Variants in TENM3 observed in about 807,000 individuals in gnomAD.
TENM3 encodes teneurin transmembrane protein 3.
A neutral mutation model predicts 255.1 loss-of-function variants in TENM3; 63 were observed. The observed-to-expected ratio is 0.25, with a 90% confidence interval of 0.20 to 0.30. TENM3 has a LOEUF of 0.30. TENM3 is among the 10% of genes least tolerant of loss of function. The probability of loss-of-function intolerance (pLI) is 1.00; values close to 1 mark genes in which losing one functional copy is unlikely to be tolerated. For missense variants in TENM3, 2,929 were observed against 3,461.1 expected (o/e 0.85, Z 3.86); for synonymous variants, 1,306 against 1,322.3 (o/e 0.99, Z 0.27).
chr4:182,062,579 A>G, the TENM3 span, among the ~76,000 whole-genome samples: 2 of 152,202 alleles, frequency 1.3e-5, no homozygotes, highest in African/African-American at 2.4e-5. Flanking sequence ...ATGAAACAAA[A>G]CCTTTCCATG....
the TENM3 span, among the ~76,000 whole-genome samples, chr4:181,704,961 A>G: frequency 6.6e-6 from 1 of 151,686 alleles, no homozygotes; most frequent in Non-Finnish European, 1.5e-5. Flanking sequence ...CCCAGGAGGC[A>G]GAGGTTGCAG....
chr4:181,540,224 G>A, the TENM3 span, among the ~76,000 whole-genome samples: 2 of 152,080 alleles, frequency 1.3e-5, no homozygotes, highest in Admixed American at 6.6e-5. Flanking sequence ...TTGGAGCAAC[G>A]AATTAAAGTA....
intron 3 of TENM3, among the ~76,000 whole-genome samples, chr4:182,559,858 CAG>C (rs1170727732): frequency 6.6e-6 from 1 of 151,960 alleles, no homozygotes; most frequent in Non-Finnish European, 1.5e-5. Context: ...GATTGCATAA[CAG>C]AGTGACTGTA....
At chr4:182,616,657 G>A (rs796655364) in intron 4 of TENM3, among the ~76,000 whole-genome samples, 7 of 150,804 alleles carry the variant, frequency 4.6e-5, no homozygotes, top group East Asian at 1.9e-4. Context: ...GGCTTCTCCC[G>A]GAAGATTCCC....
chr4:182,799,448 C>A lies in TENM3; in HGVS notation c.7345-148C>A. 1 of 997,294 alleles carries A rather than the reference C, an allele frequency of 1.0e-6. No homozygotes were observed. The highest frequency in any genetic ancestry group is 1.8e-5 in the South Asian group (1 of 55,500). The allele number at this position is 997,294 out of a possible 1,614,324, so 61.8% of individuals were successfully genotyped here. A position where few individuals can be genotyped will look rare whatever the true frequency, so the allele number is the denominator to read the frequency against. ...GGGGGAGGGATCTCGAGTGCTCCCTCCACCCGGGCTGTCAGCCTTCTGGTC... is the reference window on the plus strand; with the variant it reads ...GGGGGAGGGATCTCGAGTGCTCCCTACACCCGGGCTGTCAGCCTTCTGGTC... On this transcript the variant is annotated intron_variant, in intron 27 of 27. Coordinates refer to ENST00000511685, the MANE Select transcript of TENM3 (RefSeq NM_001080477.4). The surrounding 1 kb of genome is among the most constrained non-coding windows in gnomAD (Gnocchi z 4.2).
chr4:182,236,679 TTGA>T (rs2150042600), intron 1 of TENM3, among the ~76,000 whole-genome samples: 1 of 152,338 alleles, frequency 6.6e-6, no homozygotes, highest in Non-Finnish European at 1.5e-5. Context: ...GAAACTTTTC[TTGA>T]TGAAGTAAAA....
chr4:181,717,102 A>C, the TENM3 span, among the ~76,000 whole-genome samples: 31 of 152,306 alleles, frequency 2.0e-4, no homozygotes, highest in South Asian at 6.0e-3. Context: ...ATTTGAATCT[A>C]GAAGTTGCCT....
At chr4:182,143,721 T>C (rs1209939908), upstream of TENM3, 1 of 153,938 alleles carries the variant, frequency 6.5e-6, no homozygotes, top group East Asian at 2.0e-4. The surrounding 1 kb of genome is among the most constrained non-coding windows in gnomAD (Gnocchi z 4.3). Context: ...TGTTGGTGCG[T>C]GTGAATTTCA....
At chr4:181,681,778 G>A in the TENM3 span, among the ~76,000 whole-genome samples, 16 of 152,078 alleles carry the variant, frequency 1.1e-4, no homozygotes, top group South Asian at 2.5e-3. Context: ...GATAAAACAA[G>A]ATAAAGTGGG....
chr4:182,253,500 CA>C (rs1266711602), intron 1 of TENM3, among the ~76,000 whole-genome samples: 1 of 152,068 alleles, frequency 6.6e-6, no homozygotes, highest in East Asian at 1.9e-4. Flanking sequence ...AAGATTTATA[CA>C]AAGAAATTTA....
the TENM3 span, among the ~76,000 whole-genome samples, chr4:181,818,189 G>A: frequency 1.3e-5 from 2 of 152,160 alleles, no homozygotes; most frequent in Non-Finnish European, 2.9e-5. Context: ...GCTGAGTATA[G>A]TCCCCAGTTA....
chr4:182,741,226 C>A (rs1761579611), intron 18 of TENM3, among the ~76,000 whole-genome samples: 1 of 152,116 alleles, frequency 6.6e-6, no homozygotes, highest in Non-Finnish European at 1.5e-5. Flanking sequence ...TGTGAGATAA[C>A]CTCAGCCACA....
At chr4:181,878,615 T>C in the TENM3 span, among the ~76,000 whole-genome samples, 2 of 152,184 alleles carry the variant, frequency 1.3e-5, no homozygotes, top group Non-Finnish European at 2.9e-5. Flanking sequence ...TTTTATAATA[T>C]GTTGTCTTCC....
chr4:181,980,295 T>G, the TENM3 span: 1 of 152,162 alleles, frequency 6.6e-6, no homozygotes, highest in African/African-American at 2.4e-5. Context: ...TGGTAACTCA[T>G]CTCTCCCACA....
At chr4:182,534,254 A>C (rs1223358304) in intron 3 of TENM3, among the ~76,000 whole-genome samples, 1 of 152,202 alleles carries the variant, frequency 6.6e-6, no homozygotes, top group Admixed American at 6.5e-5. Flanking sequence ...GGAAGGAGTC[A>C]GGGTTATTTA....
At chr4:182,046,578 A>ATAG in the TENM3 span, among the ~76,000 whole-genome samples, 1 of 147,736 alleles carries the variant, frequency 6.8e-6, no homozygotes, top group African/African-American at 2.6e-5. Context: ...AATAATAATA[A>ATAG]TAACAACCAG....
At chr4:182,235,501 G>A (rs910906003) in intron 1 of TENM3, among the ~76,000 whole-genome samples, 6 of 152,128 alleles carry the variant, frequency 3.9e-5, no homozygotes, top group Non-Finnish European at 7.3e-5. Context: ...AGCAGAACTG[G>A]CCTCGGTGTG....
chr4:182,780,679 T>C (rs1765098012), intron 24 of TENM3, among the ~76,000 whole-genome samples: 1 of 149,480 alleles, frequency 6.7e-6, no homozygotes, highest in Non-Finnish European at 1.5e-5. Flanking sequence ...TGATTCTTCC[T>C]ACCCATGAGC....
the TENM3 span, among the ~76,000 whole-genome samples, chr4:181,874,168 C>T: frequency 6.6e-6 from 1 of 152,184 alleles, no homozygotes; most frequent in East Asian, 1.9e-4. Context: ...ATCCACCCGC[C>T]TCAGCCTCCC....
Sources: gnomAD v4.1 joint callset for allele counts (sites outside exome capture counted in the v4.1 genomes callset) on GRCh38, gnomAD v4.1.1 for gene constraint, Gnocchi (gnomAD v3.1) non-coding constraint, MANE v1.5 for transcripts, NCBI Gene and HGNC (gene_info 2026-07-23, HGNC 2026-07-21) for gene names.